Variants in SCGB2B2 observed in about 807,000 individuals in gnomAD.
SCGB2B2 encodes secretoglobin-like protein.
In SCGB2B2, 11 loss-of-function variants were observed where a neutral mutation model predicts 7.6. The observed-to-expected ratio is 1.45, with a 90% CI of 0.91 to 2.40. The LOEUF is 2.40. Among genes scored for constraint, SCGB2B2 ranks in the 30% most tolerant of loss-of-function variants. The pLI is 0.00. For missense variants in SCGB2B2, 104 were observed against 115.4 expected, an observed-to-expected ratio of 0.90 and a Z score of 0.45; for synonymous variants, 50 against 48.6, an observed-to-expected ratio of 1.03 and a Z score of -0.12.
At chr19:34,669,316 A>G (rs539771592) in intron 1 of SCGB2B2, among the ~76,000 whole-genome samples, 9 of 152,318 alleles carry the variant, frequency 5.9e-5, no homozygotes, top group African/African-American at 2.2e-4. Flanking sequence ...TATTCCAGGT[A>G]ATGTTCCTTG....
chr19:34,606,702 T>C (rs1600042668), intron 1 of SCGB2B2, among the ~76,000 whole-genome samples: 1 of 152,114 alleles, frequency 6.6e-6, no homozygotes, highest in South Asian at 2.1e-4. Context: ...ACCAGATTTA[T>C]ATAACTTTTA....
At chr19:34,668,818 A>G (rs2067716520) in intron 1 of SCGB2B2, among the ~76,000 whole-genome samples, 1 of 151,286 alleles carries the variant, frequency 6.6e-6, no homozygotes, top group Non-Finnish European at 1.5e-5. Context: ...TGTCTAGCTC[A>G]GGGATTGTAA....
intron 1 of SCGB2B2, among the ~76,000 whole-genome samples, chr19:34,644,965 G>A (rs1433803328): frequency 6.6e-6 from 1 of 152,218 alleles, no homozygotes; most frequent in African/African-American, 2.4e-5. Context: ...ATTGCTGTCA[G>A]TTTCACAGAT....
At chr19:34,602,616 G>T (rs1370209358) in intron 1 of SCGB2B2, among the ~76,000 whole-genome samples, 1 of 152,142 alleles carries the variant, frequency 6.6e-6, no homozygotes, top group Non-Finnish European at 1.5e-5. Flanking sequence ...GTGAGATGAA[G>T]TAATTCACTC....
At chr19:34,590,388 T>C (rs1016554098), downstream of SCGB2B2, among the ~76,000 whole-genome samples, 1 of 130,754 alleles carries the variant, frequency 7.6e-6, no homozygotes, top group African/African-American at 2.4e-5. Flanking sequence ...CGTTCATCCA[T>C]CCATCCATTC....
intron 1 of SCGB2B2, among the ~76,000 whole-genome samples, chr19:34,663,315 A>T (rs1225151919): frequency 3.9e-5 from 6 of 152,250 alleles, no homozygotes; most frequent in African/African-American, 2.4e-5. Flanking sequence ...GTGCCAGGAC[A>T]TCCACACATA....
intron 1 of SCGB2B2, among the ~76,000 whole-genome samples, chr19:34,601,094 C>T (rs2065611691): frequency 6.6e-6 from 1 of 152,020 alleles, no homozygotes; most frequent in Non-Finnish European, 1.5e-5. Flanking sequence ...AGTCCAATAC[C>T]TTTTTAATTA....
At chr19:34,673,983 C>A (rs2067862598) in intron 1 of SCGB2B2, among the ~76,000 whole-genome samples, 1 of 152,130 alleles carries the variant, frequency 6.6e-6, no homozygotes, top group African/African-American at 2.4e-5. Context: ...TATGAGATGG[C>A]CAGACATAGC....
chr19:34,674,791 A>G (rs2067882004), intron 1 of SCGB2B2, among the ~76,000 whole-genome samples: 1 of 152,242 alleles, frequency 6.6e-6, no homozygotes, highest in Non-Finnish European at 1.5e-5. Context: ...CAAGCAGGAA[A>G]GAATTTAAGA....
At chr19:34,627,019 G>T (rs148672690) in intron 1 of SCGB2B2, among the ~76,000 whole-genome samples, 2 of 152,280 alleles carry the variant, frequency 1.3e-5, no homozygotes, top group East Asian at 3.9e-4. Context: ...ACCTTCATAC[G>T]TGAAGGAGAA....
intron 1 of SCGB2B2, among the ~76,000 whole-genome samples, chr19:34,631,111 TTGTGGGG>T: frequency 9.4e-6 from 1 of 106,038 alleles, no homozygotes; most frequent in Non-Finnish European, 1.8e-5. Context: ...CCGGGGCCTG[TTGTGGGG>T]TGGGGGGAGG....
chr19:34,586,921 C>A (rs1259456094), downstream of SCGB2B2, among the ~76,000 whole-genome samples: 1 of 151,612 alleles, frequency 6.6e-6, no homozygotes, highest in Non-Finnish European at 1.5e-5. Context: ...TGTTGTTGTT[C>A]TTTGAGACGG....
At chr19:34,619,402 T>C (rs575640286) in intron 1 of SCGB2B2, among the ~76,000 whole-genome samples, 5 of 71,238 alleles carry the variant, frequency 7.0e-5, no homozygotes, top group African/African-American at 3.3e-4. Context: ...AGGGCCAATA[T>C]TTCTGGCTTT....
rs1488676760 is a variant in SCGB2B2, at chr19:34,674,498, C to T, written c.-2032+1132G>A. 2.6e-5 allele frequency among the ~76,000 whole-genome samples: 4 copies of T among 152,060 alleles called. No individual in the cohort carries two copies. In the East Asian group the frequency reaches 7.7e-4, roughly 29 times the overall value. On this transcript the variant is annotated intron_variant, in intron 1 of 3. Coordinates refer to ENST00000601241, the MANE Select transcript of SCGB2B2 (RefSeq NM_001025591.4). ...CATATTATGAAGCAACTATACCTAC[C>T]ATGTTAAAAAAGTTTGGAAAATTGA...
intron 1 of SCGB2B2, among the ~76,000 whole-genome samples, chr19:34,615,959 A>G (rs571966310): frequency 8.4e-4 from 128 of 151,512 alleles, no homozygotes; most frequent in Admixed American, 2.2e-3. Context: ...TGTTCTTGCA[A>G]TAGTTTACTG....
chr19:34,586,441 C>T (rs771124532), downstream of SCGB2B2, among the ~76,000 whole-genome samples: 9 of 152,082 alleles, frequency 5.9e-5, no homozygotes, highest in Non-Finnish European at 1.0e-4. Flanking sequence ...CTCCTTAATC[C>T]CTTCCTCCTC....
chr19:34,589,785 T>C (rs1314271940), downstream of SCGB2B2, among the ~76,000 whole-genome samples: 3 of 152,136 alleles, frequency 2.0e-5, no homozygotes, highest in Non-Finnish European at 4.4e-5. Context: ...GGACAGAAGA[T>C]GTGGGCCTCC....
intron 1 of SCGB2B2, among the ~76,000 whole-genome samples, chr19:34,622,991 C>T (rs2066279235): frequency 6.6e-6 from 1 of 150,874 alleles, no homozygotes; most frequent in African/African-American, 2.4e-5. Flanking sequence ...TCCTTTGTGG[C>T]TTCTCCAATA....
At chr19:34,668,718 CTG>C (rs1303182787) in intron 1 of SCGB2B2, among the ~76,000 whole-genome samples, 1 of 152,186 alleles carries the variant, frequency 6.6e-6, no homozygotes, top group African/African-American at 2.4e-5. Context: ...AATCGACACT[CTG>C]TATCTAGCTA....
Sources: allele counts gnomAD v4.1 joint callset (sites outside exome capture counted in the v4.1 genomes callset), GRCh38; gene constraint gnomAD v4.1.1; transcripts MANE v1.5; gene names NCBI Gene and HGNC (gene_info 2026-07-23, HGNC 2026-07-21).